Variants in PREX1 observed in about 807,000 individuals in gnomAD.
PREX1 encodes phosphatidylinositol-3,4,5-trisphosphate dependent Rac exchange factor 1.
In PREX1, 41 loss-of-function variants were observed where a neutral mutation model predicts 198.3. The observed-to-expected ratio is 0.21, with a 90% CI of 0.16 to 0.27. PREX1 has a LOEUF of 0.27. Ranked by LOEUF, PREX1 falls within the 10% of genes least tolerant of loss-of-function variation. The pLI, the probability that PREX1 is intolerant of heterozygous loss-of-function variation, is 1.00. For missense variants in PREX1, 1,620 were observed against 2,200.7 expected (o/e 0.74, Z 5.28); for synonymous variants, 843 against 887.2 (o/e 0.95, Z 0.89).
chr20:48,829,550 G>A (rs2090530921), upstream of PREX1, among the ~76,000 whole-genome samples: 1 of 152,222 alleles, frequency 6.6e-6, no homozygotes, highest in African/African-American at 2.4e-5. Context: ...CCCCTGGGCA[G>A]GGAGTAAAGG....
intron 1 of PREX1, among the ~76,000 whole-genome samples, chr20:48,774,149 TTTAAGTC>T: frequency 6.6e-6 from 1 of 152,288 alleles, no homozygotes. Context: ...TCTCGGACAT[TTTAAGTC>T]TGACCTCACG....
intron 31 of PREX1, 28 bp downstream of exon 31, chr20:48,637,683 G>A (rs760662549): frequency 1.3e-6 from 2 of 1,593,620 alleles, no homozygotes; most frequent in South Asian, 1.1e-5. Flanking sequence ...CCGGGTATGT[G>A]CCCCCCACAC....
At position 48,630,769 on chromosome 20, in the gene PREX1, G is replaced by A; in HGVS notation, c.4552C>T (p.Leu1518=). 6.3e-7 allele frequency: 1 copy of A among 1,595,316 alleles called. No homozygotes were observed. The highest frequency in any genetic ancestry group is 1.3e-5 in the African/African-American group (1 of 74,632). ...GCCGTGGTGCTGGCATCCGTGGGCA[G>A]GTTAGACCGCTCCAGGTAAAATGCC... is the stretch of plus-strand genomic sequence containing the variant. ...LRAFYLERSN[L]PTDASTTAVK... The change falls in exon 36 of 40, where the codon CTG becomes TTG. Residue 1518 remains leucine, a synonymous_variant. Coordinates refer to ENST00000371941, the MANE Select transcript of PREX1 (RefSeq NM_020820.4).
intron 12 of PREX1, 36 bp from the exon 13 acceptor site, chr20:48,679,445 C>T: frequency 1.3e-6 from 2 of 1,599,332 alleles, no homozygotes; most frequent in Non-Finnish European, 1.7e-6. Flanking sequence ...TGGGATCAGG[C>T]CACATCCTTC....
chr20:48,816,819 G>A (rs6095303), intron 1 of PREX1, among the ~76,000 whole-genome samples: 2,595 of 148,538 alleles, frequency 0.017, 73 homozygotes, highest in African/African-American at 0.057. Flanking sequence ...TCAACACCCT[G>A]ATGGCAGCCT....
At chr20:48,659,892 G>T in intron 16 of PREX1, 27 bp downstream of exon 16, 2 of 1,613,450 alleles carry the variant, frequency 1.2e-6, no homozygotes. Flanking sequence ...TGGCAAGGAA[G>T]GGACAGCTGC....
chr20:48,796,624 G>C (rs2090363639), intron 1 of PREX1, among the ~76,000 whole-genome samples: 1 of 151,014 alleles, frequency 6.6e-6, no homozygotes, highest in Non-Finnish European at 1.5e-5. Flanking sequence ...ATATTTATAT[G>C]TGTACATATA....
In PREX1 at chr20:48,665,650, T is replaced by C. The variant is rs149653709; in HGVS notation, c.1738+633A>G. ...TACTCACATCAAAGGGCTGCTGTAT[T>C]AAACTAATAAATATATGTGAAGTGT... On this transcript the variant is annotated intron_variant, in intron 15 of 39. Coordinates refer to ENST00000371941, the MANE Select transcript of PREX1 (RefSeq NM_020820.4). Among the ~76,000 whole-genome samples, 250 of 152,308 alleles carry C rather than the reference T, an allele frequency of 1.6e-3. 1 individual carries two copies. Among genetic ancestry groups the C allele is most frequent in the Non-Finnish European group, 2.5e-3 (172 of 68,026 alleles).
chr20:48,850,728 G>A, the PREX1 span, among the ~76,000 whole-genome samples: 2 of 152,194 alleles, frequency 1.3e-5, no homozygotes, highest in African/African-American at 4.8e-5. Context: ...GGAGCCAAGA[G>A]CCCGGCATTT....
intron 1 of PREX1, among the ~76,000 whole-genome samples, chr20:48,768,136 T>C (rs1056998080): frequency 4.6e-5 from 7 of 152,190 alleles, no homozygotes; most frequent in African/African-American, 1.7e-4. Context: ...CAAGCTTCCA[T>C]TCCTATGTAT....
intron 37 of PREX1, among the ~76,000 whole-genome samples, chr20:48,628,757 T>C (rs1179498221): frequency 6.6e-6 from 1 of 152,184 alleles, no homozygotes; most frequent in Non-Finnish European, 1.5e-5. Flanking sequence ...GGAACGTCAA[T>C]GACCTAGGAG....
intron 3 of PREX1, among the ~76,000 whole-genome samples, chr20:48,741,010 C>G (rs988285033): frequency 3.3e-5 from 5 of 151,844 alleles, no homozygotes; most frequent in African/African-American, 1.2e-4. Flanking sequence ...TTAAGTGAAT[C>G]AATTTTTTTT....
At chr20:48,690,392 G>T (rs1568825903) in intron 9 of PREX1, among the ~76,000 whole-genome samples, 1 of 152,138 alleles carries the variant, frequency 6.6e-6, no homozygotes, top group Non-Finnish European at 1.5e-5. Context: ...GGAGTAACTT[G>T]CCCCAAAACA....
In PREX1 at chr20:48,801,480, G is replaced by T. The variant is rs117710190; in HGVS notation, c.219+26162C>A. On this transcript the variant is annotated intron_variant, in intron 1 of 39. Transcript: ENST00000371941. ...CTTCCTAAAACCATCCTGCGACAGA[G>T]TCCCTTCTGGTCAGAGCACCATCCT... Among the ~76,000 whole-genome samples the T allele has an allele frequency of 5.8e-3, 876 of 152,280 alleles. 9 individuals are homozygous for T. The highest frequency in any genetic ancestry group is 0.048 in the South Asian group (230 of 4,826).
At chr20:48,752,996 T>C (rs1435672119) in intron 1 of PREX1, among the ~76,000 whole-genome samples, 2 of 152,298 alleles carry the variant, frequency 1.3e-5, no homozygotes, top group Non-Finnish European at 2.9e-5. Flanking sequence ...CAAGTTCCTC[T>C]AGGTGATGCA....
the PREX1 span, among the ~76,000 whole-genome samples, chr20:48,833,796 A>G: frequency 6.6e-6 from 1 of 152,108 alleles, no homozygotes. Context: ...TTAAAATGCA[A>G]ATGCCAGCCG....
intron 7 of PREX1, 147 bp downstream of exon 7, chr20:48,700,606 G>T (rs1257915650): frequency 1.0e-6 from 1 of 972,370 alleles, no homozygotes; most frequent in Non-Finnish European, 1.5e-6. Context: ...CACGTGGCTT[G>T]CATTGTATTC....
intron 13 of PREX1, among the ~76,000 whole-genome samples, chr20:48,677,599 AAAG>A (rs1056678628): frequency 1.6e-4 from 24 of 152,340 alleles, no homozygotes; most frequent in African/African-American, 5.5e-4. Flanking sequence ...AACAGAAGCA[AAAG>A]AAGTTAATCA....
chr20:48,693,859 T>C (rs1452389758), intron 7 of PREX1, among the ~76,000 whole-genome samples: 3 of 151,768 alleles, frequency 2.0e-5, no homozygotes, highest in African/African-American at 7.3e-5. Context: ...CTGCCTGCCT[T>C]GGCCTCCCAA....
Sources: gnomAD v4.1 joint callset for allele counts (sites outside exome capture counted in the v4.1 genomes callset) on GRCh38, gnomAD v4.1.1 for gene constraint, MANE v1.5 for transcripts, NCBI Gene and HGNC (gene_info 2026-07-23, HGNC 2026-07-21) for gene names.